PTPRD: variants seen among roughly 807,000 people sequenced by gnomAD.
PTPRD encodes the protein receptor-type tyrosine-protein phosphatase delta.
Under a neutral mutation model 214.5 loss-of-function variants are expected in PTPRD, and 34 were observed. The observed-to-expected ratio is 0.16, with a 90% CI of 0.12 to 0.21. The LOEUF (loss-of-function observed/expected upper bound fraction) is 0.21, where lower values mean the gene tolerates loss of function less well. PTPRD is among the 10% of genes least tolerant of loss of function. The pLI is 1.00. For synonymous variants in PTPRD, 1,128 were observed against 845.7 expected (o/e 1.33, Z -5.79); for missense variants, 2,545 against 2,398.7 (o/e 1.06, Z -1.27).
At chr9:9,494,032 G>T (rs1196651351) in intron 8 of PTPRD, among the ~76,000 whole-genome samples, 3 of 152,068 alleles carry the variant, frequency 2.0e-5, no homozygotes, top group Non-Finnish European at 4.4e-5. Flanking sequence ...GGCTATGAGG[G>T]GATGAAGACT....
At chr9:9,312,368 AAC>A (rs1223561448) in intron 9 of PTPRD, among the ~76,000 whole-genome samples, 1 of 152,218 alleles carries the variant, frequency 6.6e-6, no homozygotes, top group East Asian at 1.9e-4. Flanking sequence ...TTGTTTAGTC[AAC>A]ACAGAGACTG....
At chr9:10,008,526 G>A (rs778016017) in intron 4 of PTPRD, among the ~76,000 whole-genome samples, 2 of 151,974 alleles carry the variant, frequency 1.3e-5, no homozygotes, top group Non-Finnish European at 2.9e-5. Flanking sequence ...ATGCATGTTT[G>A]CTTAGCATGC....
intron 6 of PTPRD, among the ~76,000 whole-genome samples, chr9:9,749,674 G>GT (rs1195301274): frequency 1.3e-5 from 2 of 151,996 alleles, no homozygotes; most frequent in Non-Finnish European, 2.9e-5. Context: ...ATCATTTTTT[G>GT]TGTGTTCCAA....
rs377663107 is a variant in PTPRD, at chr9:8,647,094, T to A, written c.65-10250A>T. 2.0e-5 allele frequency among the ~76,000 whole-genome samples: 3 copies of A among 152,240 alleles called. No individual in the cohort carries two copies. In the South Asian group the frequency reaches 6.2e-4, roughly 32 times the overall value. ...ATGCGAAGCCCTAAGCTGGCAAATG[T>A]AGCACAGCCAGATTACAGATTCATG... On this transcript the variant is annotated intron_variant, in intron 12 of 45. Transcript: ENST00000381196.
At chr9:8,798,795 T>A (rs576344530) in intron 11 of PTPRD, among the ~76,000 whole-genome samples, 1 of 152,286 alleles carries the variant, frequency 6.6e-6, no homozygotes, top group South Asian at 2.1e-4. Context: ...ATTTAATAAA[T>A]ACAGTTATTT....
chr9:9,762,581 C>T (rs751099984), intron 6 of PTPRD, among the ~76,000 whole-genome samples: 2 of 152,168 alleles, frequency 1.3e-5, no homozygotes, highest in Non-Finnish European at 2.9e-5. Context: ...TTTTATTGCT[C>T]ATAAGTTCCA....
At chr9:9,035,307 C>A (rs568568302) in intron 10 of PTPRD, among the ~76,000 whole-genome samples, 5 of 151,986 alleles carry the variant, frequency 3.3e-5, no homozygotes, top group Admixed American at 6.6e-5. Flanking sequence ...TGTAGAAAAC[C>A]TGTATATAAA....
At chr9:9,514,931 G>C (rs2096797838) in intron 8 of PTPRD, among the ~76,000 whole-genome samples, 1 of 152,074 alleles carries the variant, frequency 6.6e-6, no homozygotes, top group Non-Finnish European at 1.5e-5. Context: ...TTTGTAAAGT[G>C]TCTAATCAGG....
chr9:9,745,248 A>G (rs894174634), intron 6 of PTPRD, among the ~76,000 whole-genome samples: 11 of 152,102 alleles, frequency 7.2e-5, no homozygotes, highest in African/African-American at 2.4e-4. Context: ...TGTTGTTTCA[A>G]TGCAATGGGG....
chr9:10,425,426 C>G (rs972300312), intron 2 of PTPRD, among the ~76,000 whole-genome samples: 4 of 151,894 alleles, frequency 2.6e-5, no homozygotes, highest in African/African-American at 7.2e-5. Flanking sequence ...AAACATAGAG[C>G]AACCTTTCTC....
intron 11 of PTPRD, among the ~76,000 whole-genome samples, chr9:8,741,250 C>T (rs72702314): frequency 0.071 from 10,759 of 152,018 alleles, 506 homozygotes; most frequent in Middle Eastern, 0.15. Context: ...CTATTGTTCC[C>T]CTACAAATAG....
chr9:10,009,294 C>G (rs544474124), intron 4 of PTPRD, among the ~76,000 whole-genome samples: 1 of 151,564 alleles, frequency 6.6e-6, no homozygotes, highest in African/African-American at 2.4e-5. Context: ...TCAAGAGGTT[C>G]TGAAAACAAG....
At chr9:9,978,070 T>C (rs952776407) in intron 4 of PTPRD, among the ~76,000 whole-genome samples, 9 of 151,936 alleles carry the variant, frequency 5.9e-5, no homozygotes, top group Admixed American at 1.3e-4. Context: ...ATAGCTGATA[T>C]TGTAGAGCAA....
At chr9:10,434,003 T>A (rs2098700857) in intron 2 of PTPRD, among the ~76,000 whole-genome samples, 1 of 151,884 alleles carries the variant, frequency 6.6e-6, no homozygotes, top group Admixed American at 6.6e-5. Flanking sequence ...ATATTTCAGA[T>A]GAAAATTATA....
At chr9:9,191,028 C>G (rs1231224820) in intron 9 of PTPRD, among the ~76,000 whole-genome samples, 3 of 152,058 alleles carry the variant, frequency 2.0e-5, no homozygotes, top group African/African-American at 7.2e-5. Context: ...GTAACCTCCT[C>G]CCCTTGAATG....
chr9:8,523,647 T>A, intron 18 of PTPRD, 123 bp from the exon 19 acceptor site: 2 of 974,558 alleles, frequency 2.1e-6, no homozygotes, highest in Non-Finnish European at 3.1e-6. Context: ...AACATCTTTA[T>A]TCGCTCTAGT....
chr9:8,645,261 A>C (rs547652803), intron 12 of PTPRD, among the ~76,000 whole-genome samples: 7 of 152,336 alleles, frequency 4.6e-5, no homozygotes, highest in African/African-American at 1.7e-4. Flanking sequence ...TCCAATTGAA[A>C]TCAGAGATTA....
chr9:8,454,514 C>T, intron 33 of PTPRD: 1 of 1,574,396 alleles, frequency 6.4e-7, no homozygotes, highest in Non-Finnish European at 8.7e-7. Flanking sequence ...TCTTCAACAA[C>T]TCTGAAGTCT....
At chr9:9,085,627 A>T (rs556809571) in intron 10 of PTPRD, among the ~76,000 whole-genome samples, 1 of 151,748 alleles carries the variant, frequency 6.6e-6, no homozygotes, top group Non-Finnish European at 1.5e-5. Context: ...CATTTTTAAA[A>T]TGTCACTACT....
Sources: allele counts gnomAD v4.1 joint callset (sites outside exome capture counted in the v4.1 genomes callset), GRCh38; gene constraint gnomAD v4.1.1; transcripts MANE v1.5; gene names NCBI Gene and HGNC (gene_info 2026-07-23, HGNC 2026-07-21).